Variants in DAB2IP observed in about 807,000 individuals in gnomAD.
The protein encoded by DAB2IP is DAB2 interacting protein, also known as disabled homolog 2-interacting protein.
DAB2IP carries 28 observed loss-of-function variants against 107.2 expected under a neutral mutation model. That is an observed-to-expected ratio of 0.26 (90% confidence interval 0.19 to 0.36). The LOEUF (loss-of-function observed/expected upper bound fraction) is 0.36. Ranked by LOEUF, DAB2IP falls within the 10% of genes least tolerant of loss-of-function variation. DAB2IP has a pLI of 1.00. For missense variants in DAB2IP, 1,400 were observed against 1,644.7 expected (o/e 0.85, Z 2.57); for synonymous variants, 755 against 706.4 (o/e 1.07, Z -1.09).
intron 14 of DAB2IP, among the ~76,000 whole-genome samples, chr9:121,777,633 G>GGAATAC (rs1835297654): frequency 6.6e-6 from 1 of 152,206 alleles, no homozygotes. Flanking sequence ...GGTAGATAGT[G>GGAATAC]TTCAAGTATT....
At chr9:121,637,478 G>T (rs1365512619) in intron 1 of DAB2IP, among the ~76,000 whole-genome samples, 1 of 152,212 alleles carries the variant, frequency 6.6e-6, no homozygotes, top group African/African-American at 2.4e-5. Flanking sequence ...ACTGAGTCTG[G>T]TGGGGGAAGA....
chr9:121,581,717 G>C (rs889898736), intron 1 of DAB2IP, among the ~76,000 whole-genome samples: 2 of 152,192 alleles, frequency 1.3e-5, no homozygotes, highest in African/African-American at 4.8e-5. Context: ...TCCTGCTCCA[G>C]GGAGAGGCAG....
chr9:121,780,407 G>C (rs910014836), intron 14 of DAB2IP, among the ~76,000 whole-genome samples: 1 of 152,068 alleles, frequency 6.6e-6, no homozygotes, highest in African/African-American at 2.4e-5. Context: ...TTACAGTCCC[G>C]TGCAGAACCG....
intron 3 of DAB2IP, among the ~76,000 whole-genome samples, chr9:121,707,831 G>A (rs550250692): frequency 1.8e-4 from 27 of 152,344 alleles, no homozygotes; most frequent in African/African-American, 6.3e-4. Context: ...TCTGGCTTGG[G>A]AGGAGATTGA....
At position 121,772,036 on chromosome 9, in the gene DAB2IP, T is replaced by A. The variant is rs1289020201; in HGVS notation, c.2079-571T>A. ...GCAGCCCTCCCACCAAGTCATGCTCTCCACAGAGCCTGCTCTCATTCCTTG... is the reference window on the plus strand; with the variant it reads ...GCAGCCCTCCCACCAAGTCATGCTCACCACAGAGCCTGCTCTCATTCCTTG... On this transcript the variant is annotated intron_variant, in intron 11 of 15. Coordinates refer to ENST00000408936, the Ensembl canonical transcript of DAB2IP. The surrounding 1 kb of genome is among the most constrained non-coding windows in gnomAD (Gnocchi z 4.7). Among the ~76,000 whole-genome samples the A allele has an allele frequency of 1.3e-5, 2 of 152,182 alleles. No homozygotes were observed. Among genetic ancestry groups the A allele is most frequent in the African/African-American group, 2.4e-5 (1 of 41,448 alleles).
At chr9:121,585,287 C>T (rs569422076) in intron 1 of DAB2IP, among the ~76,000 whole-genome samples, 1 of 152,238 alleles carries the variant, frequency 6.6e-6, no homozygotes, top group East Asian at 1.9e-4. Flanking sequence ...TTCTTCCTTG[C>T]ATAGGAACTT....
intron 3 of DAB2IP, among the ~76,000 whole-genome samples, chr9:121,738,813 G>A (rs1832113104): frequency 6.6e-6 from 1 of 152,200 alleles, no homozygotes; most frequent in Non-Finnish European, 1.5e-5. Flanking sequence ...ATTTCATCAG[G>A]ACTTACTGAG....
chr9:121,633,666 T>C lies in DAB2IP; in HGVS notation c.41-45012T>C, dbSNP rs75513513. On this transcript the variant is annotated intron_variant, in intron 1 of 16. Coordinates refer to the DAB2IP transcript ENST00000259371. This position sits in a 1 kb window ranked among gnomAD's most constrained non-coding sequence, Gnocchi z 5.1. ...TCAGACCATTGCCCAGAGACAGCAG[T>C]GACCAGGACAGACATTGCCCCAGGG... Among the ~76,000 whole-genome samples the C allele has an allele frequency of 2.4e-3, 373 of 152,278 alleles. 2 individuals carry two copies. Among genetic ancestry groups the C allele is most frequent in the Non-Finnish European group, 4.7e-3 (318 of 68,020 alleles).
In DAB2IP at chr9:121,659,508, G is replaced by A. The variant is rs150628821; in HGVS notation, c.124+7609G>A. The stretch of plus-strand genomic sequence containing the variant: ...TAGCTGTTCACCCAAAGTCTGAGGG[G>A]TTGCTTGCAAATCAGTTAGGGCTGA... On this transcript the variant is annotated intron_variant, in intron 1 of 15. Coordinates refer to ENST00000408936, the Ensembl canonical transcript of DAB2IP. 6.6e-3 allele frequency among the ~76,000 whole-genome samples: 1,011 copies of A among 152,304 alleles called. 14 individuals are homozygous for A. Among genetic ancestry groups the A allele is most frequent in the African/African-American group, 0.023 (961 of 41,564 alleles).
chr9:121,639,041 A>G (rs55907524), intron 1 of DAB2IP, among the ~76,000 whole-genome samples: 17,816 of 152,214 alleles, frequency 0.12, 1,305 homozygotes, highest in East Asian at 0.19. Flanking sequence ...GGCCATATCC[A>G]CTGACCACTA....
chr9:121,783,251 G>A, exon 16 of DAB2IP: 2 of 1,312,340 alleles, frequency 1.5e-6, no homozygotes, highest in Non-Finnish European at 1.9e-6. Flanking sequence ...GTCCCTGTGG[G>A]GAGGACCCAC....
chr9:121,685,263 C>A (rs893914116), intron 2 of DAB2IP, among the ~76,000 whole-genome samples: 2 of 152,226 alleles, frequency 1.3e-5, no homozygotes, highest in Non-Finnish European at 2.9e-5. Context: ...CGGGGGGCAT[C>A]CCCCTTTTCT....
intron 1 of DAB2IP, among the ~76,000 whole-genome samples, chr9:121,626,926 AG>A: frequency 6.6e-6 from 1 of 152,228 alleles, no homozygotes. Flanking sequence ...TTAGGTTCAC[AG>A]CAAAATTGAG....
intron 2 of DAB2IP, among the ~76,000 whole-genome samples, chr9:121,689,966 C>T (rs1471313684): frequency 6.6e-6 from 1 of 152,232 alleles, no homozygotes; most frequent in Non-Finnish European, 1.5e-5. Flanking sequence ...TGTGTTGAAC[C>T]CAGCTCTGCC....
rs1835760808 is a variant in DAB2IP at position 121,782,851 on chromosome 9, A to G, written c.*353A>G. 2.8e-6 allele frequency: 3 copies of G among 1,074,508 alleles called. No homozygotes were observed. Among genetic ancestry groups the G allele is most frequent in the Non-Finnish European group, 3.4e-6 (3 of 886,184 alleles). 66.6% of individuals were successfully genotyped at this position (1,074,508 alleles called of 1,614,324 possible). A position where few individuals can be genotyped will look rare whatever the true frequency, so the allele number is the denominator to read the frequency against. ...TCTGGCCGAGTGCATGTGTCCCCCC[A>G]CACCTGTGCCAGGGAGGGGGCTTCC... On this transcript the variant is annotated 3_prime_UTR_variant, in exon 16 of 16. Coordinates refer to ENST00000408936, the Ensembl canonical transcript of DAB2IP. This position sits in a 1 kb window ranked among gnomAD's most constrained non-coding sequence, Gnocchi z 6.1.
intron 3 of DAB2IP, among the ~76,000 whole-genome samples, chr9:121,744,922 A>T (rs986565113): frequency 6.6e-6 from 1 of 152,198 alleles, no homozygotes; most frequent in Non-Finnish European, 1.5e-5. Context: ...AGAGGCGTGC[A>T]GTTTAGCATG....
At chr9:121,758,996 G>A in exon 5 of DAB2IP, 1 of 1,610,934 alleles carries the variant, frequency 6.2e-7, no homozygotes, top group Non-Finnish European at 8.5e-7. Context: ...ATCCCAACAA[G>A]GTAAGCCTGC....
chr9:121,651,301 C>A (rs575958864), upstream of DAB2IP, among the ~76,000 whole-genome samples: 348 of 152,300 alleles, frequency 2.3e-3, 2 homozygotes, highest in African/African-American at 8.1e-3. This position sits in a 1 kb window ranked among gnomAD's most constrained non-coding sequence, Gnocchi z 5.1. Flanking sequence ...TTGAAGGTGA[C>A]CGTCCCCAAG....
At chr9:121,572,863 C>G (rs521394) in intron 1 of DAB2IP, among the ~76,000 whole-genome samples, 1 of 151,846 alleles carries the variant, frequency 6.6e-6, no homozygotes, top group Non-Finnish European at 1.5e-5. Flanking sequence ...GGAGGTGGAG[C>G]AGGCAGCTCA....
Sources: allele counts gnomAD v4.1 joint callset (sites outside exome capture counted in the v4.1 genomes callset), GRCh38; gene constraint gnomAD v4.1.1; non-coding constraint Gnocchi (gnomAD v3.1); transcripts MANE v1.5; gene names NCBI Gene and HGNC (gene_info 2026-07-23, HGNC 2026-07-21).